Variants in LRRFIP2 observed in about 807,000 individuals in gnomAD.
LRRFIP2 encodes the protein leucine-rich repeat flightless-interacting protein 2.
In LRRFIP2, 109 loss-of-function variants were observed where a neutral mutation model predicts 125.9. The observed-to-expected ratio is 0.87, with a 90% CI of 0.74 to 1.01. The LOEUF is 1.01. Ranked by LOEUF, LRRFIP2 falls within the 50% of genes least tolerant of loss-of-function variation. LRRFIP2 has a pLI of 0.00. For synonymous variants in LRRFIP2, 291 were observed against 293.1 expected (o/e 0.99, Z 0.07); for missense variants, 850 against 862.3 (o/e 0.99, Z 0.18).
chr3:37,072,747 C>T lies in LRRFIP2; in HGVS notation c.1464+43G>A, dbSNP rs372110139. On this transcript the variant is annotated intron_variant, in intron 21 of 27. Transcript: ENST00000336686. Reference sequence around the variant, plus strand: ...CTCTAGGTTAAATTCTACTGTAGTCCTCATCAATGAGCTTCTAACCAAAGC... The same window carrying T: ...CTCTAGGTTAAATTCTACTGTAGTCTTCATCAATGAGCTTCTAACCAAAGC... 1.6e-5 allele frequency: 19 copies of T among 1,169,124 alleles called. No individual in the cohort carries two copies. The African/African-American group carries it at 2.7e-4, about 17-fold the overall frequency. 72.4% of individuals were successfully genotyped at this position (1,169,124 alleles called of 1,614,324 possible).
chr3:37,170,074 A>C (rs369045324), intron 1 of LRRFIP2, among the ~76,000 whole-genome samples: 2 of 152,228 alleles, frequency 1.3e-5, no homozygotes, highest in East Asian at 1.9e-4. Flanking sequence ...CTGAATCCTA[A>C]ATACATTATC....
intron 24 of LRRFIP2, among the ~76,000 whole-genome samples, chr3:37,061,539 C>T (rs1259870759): frequency 6.6e-6 from 1 of 151,710 alleles, no homozygotes; most frequent in African/African-American, 2.4e-5. Context: ...TACAGGCACC[C>T]ACCACCATGC....
intron 1 of LRRFIP2, among the ~76,000 whole-genome samples, chr3:37,163,338 TC>T (rs2096395496): frequency 6.6e-6 from 1 of 152,164 alleles, no homozygotes; most frequent in African/African-American, 2.4e-5. Flanking sequence ...TCCCTTTCCT[TC>T]CTTGCAGTTA....
chr3:37,065,738 C>G lies in LRRFIP2; in HGVS notation c.1699+72G>C, dbSNP rs952704129. The G allele has an allele frequency of 5.6e-6, 9 of 1,600,688 alleles. No homozygotes were observed. In the African/African-American group the frequency reaches 1.1e-4, roughly 19 times the overall value. On this transcript the variant is annotated intron_variant, in intron 23 of 27. Transcript: ENST00000336686. ...CCTTATGCTGTTTTTGTTTTCCAAG[C>G]TGGGATATGAAAAAGCAGAAAACCC...
At chr3:37,150,011 A>G (rs1016622121) in intron 1 of LRRFIP2, among the ~76,000 whole-genome samples, 1 of 151,722 alleles carries the variant, frequency 6.6e-6, no homozygotes, top group African/African-American at 2.4e-5. Flanking sequence ...AAAAAAAAAC[A>G]AAAACAAACA....
upstream of LRRFIP2, chr3:37,174,990 G>A (rs569225972): frequency 1.3e-5 from 2 of 152,298 alleles, no homozygotes; most frequent in African/African-American, 4.8e-5. Flanking sequence ...AACAGGGTTA[G>A]TGCTGCAAGA....
At chr3:37,117,548 CA>C (rs1185768399) in intron 6 of LRRFIP2, among the ~76,000 whole-genome samples, 1 of 151,620 alleles carries the variant, frequency 6.6e-6, no homozygotes, top group East Asian at 1.9e-4. Flanking sequence ...GGCTCATTTC[CA>C]AATTTTTGAT....
At chr3:37,108,574 G>T in intron 12 of LRRFIP2, 63 bp downstream of exon 12, 1 of 1,349,884 alleles carries the variant, frequency 7.4e-7, no homozygotes, top group Non-Finnish European at 1.0e-6. Flanking sequence ...CTTTTTCTTT[G>T]AAAGTAAACT....
intron 2 of LRRFIP2, among the ~76,000 whole-genome samples, chr3:37,135,457 CAAAAA>C (rs368371557): frequency 1.3e-5 from 1 of 78,398 alleles, no homozygotes. Context: ...GACTCAGTCT[CAAAAA>C]AAAAAAAAAA....
chr3:37,086,050 A>G (rs2093024362), intron 18 of LRRFIP2, among the ~76,000 whole-genome samples: 2 of 152,236 alleles, frequency 1.3e-5, no homozygotes, highest in African/African-American at 2.4e-5. Context: ...AAATCAATTT[A>G]AAAATGGGCA....
chr3:37,107,522 G>A (rs2094387082), intron 13 of LRRFIP2, among the ~76,000 whole-genome samples: 1 of 152,128 alleles, frequency 6.6e-6, no homozygotes, highest in Non-Finnish European at 1.5e-5. Flanking sequence ...TTTGGGGAAG[G>A]AAAATGGGGA....
chr3:37,098,361 CT>C (rs550249416), intron 15 of LRRFIP2, among the ~76,000 whole-genome samples: 227 of 150,774 alleles, frequency 1.5e-3, no homozygotes, highest in African/African-American at 5.1e-3. Flanking sequence ...ATGTGCCATG[CT>C]GCTTTTTTTA....
intron 18 of LRRFIP2, among the ~76,000 whole-genome samples, chr3:37,090,049 A>C (rs1451047628): frequency 9.2e-5 from 14 of 151,978 alleles, no homozygotes; most frequent in Non-Finnish European, 2.9e-5. Flanking sequence ...GGACCATATC[A>C]CTTGCATGAA....
At chr3:37,100,555 T>C (rs1489506708) in intron 15 of LRRFIP2, among the ~76,000 whole-genome samples, 1 of 152,112 alleles carries the variant, frequency 6.6e-6, no homozygotes, top group Non-Finnish European at 1.5e-5. Context: ...ACTTTTTCCT[T>C]ATGTTAAAGA....
rs748220776 is a variant in LRRFIP2, at chr3:37,055,072, A to G, written c.1950+14T>C. ...GGACATTTAAATAACTTAGTACCAT[A>G]TAGAAGTACTTACACTTTGCTCCAA... On this transcript the variant is annotated intron_variant, in intron 26 of 27. Coordinates refer to ENST00000336686, the MANE Select transcript of LRRFIP2 (RefSeq NM_006309.4). 14 of 1,539,908 alleles carry G rather than the reference A, an allele frequency of 9.1e-6. No individual in the cohort carries two copies. Among genetic ancestry groups the G allele is most frequent in the South Asian group, 1.1e-5 (1 of 87,120 alleles).
At chr3:37,103,189 G>C (rs1253370635) in intron 14 of LRRFIP2, among the ~76,000 whole-genome samples, 176 bp from the exon 15 acceptor site, 1 of 152,072 alleles carries the variant, frequency 6.6e-6, no homozygotes, top group Non-Finnish European at 1.5e-5. Context: ...AAAAAGAAAA[G>C]GGGTTCCTAA....
intron 25 of LRRFIP2, 46 bp downstream of exon 25, chr3:37,058,744 C>T (rs1185656863): frequency 1.3e-6 from 2 of 1,593,532 alleles, no homozygotes; most frequent in Non-Finnish European, 8.6e-7. Flanking sequence ...ACCCCTGGGA[C>T]ACAGTCTATA....
chr3:37,128,467 T>C (rs1041077740), intron 3 of LRRFIP2, among the ~76,000 whole-genome samples: 2 of 152,182 alleles, frequency 1.3e-5, no homozygotes, highest in Admixed American at 6.5e-5. Context: ...TACTGAAAGT[T>C]TGTAAATTAT....
chr3:37,118,333 G>A (rs1039089342), intron 6 of LRRFIP2, among the ~76,000 whole-genome samples: 10 of 152,300 alleles, frequency 6.6e-5, no homozygotes, highest in African/African-American at 1.9e-4. Context: ...AAAGTGCTGG[G>A]ATGAAAGGCG....
Sources: allele counts gnomAD v4.1 joint callset (sites outside exome capture counted in the v4.1 genomes callset), GRCh38; gene constraint gnomAD v4.1.1; transcripts MANE v1.5; gene names NCBI Gene and HGNC (gene_info 2026-07-23, HGNC 2026-07-21).